GRID2: variants seen among roughly 807,000 people sequenced by gnomAD.
GRID2 encodes glutamate ionotropic receptor delta type subunit 2.
A neutral mutation model predicts 114.8 loss-of-function variants in GRID2; 33 were observed. The ratio of observed to expected loss-of-function variants is 0.29; its 90% CI spans 0.22 to 0.38. GRID2 has a LOEUF of 0.38. Among genes scored for constraint, GRID2 ranks in the 10% least tolerant of loss-of-function variants. GRID2 has a pLI of 1.00. For missense variants in GRID2, 1,184 were observed against 1,257.7 expected (o/e 0.94, Z 0.89); for synonymous variants, 505 against 449.9 (o/e 1.12, Z -1.55).
chr4:92,363,613 C>T (rs1728716569), intron 1 of GRID2, among the ~76,000 whole-genome samples: 1 of 151,850 alleles, frequency 6.6e-6, no homozygotes, highest in African/African-American at 2.4e-5. Flanking sequence ...GGATACCTAT[C>T]TTTGAATATG....
intron 14 of GRID2, among the ~76,000 whole-genome samples, chr4:93,767,015 A>G (rs1435650779): frequency 6.6e-6 from 1 of 152,192 alleles, no homozygotes; most frequent in Non-Finnish European, 1.5e-5. Context: ...CCATGATTAC[A>G]TCTTTGTGTG....
intron 2 of GRID2, among the ~76,000 whole-genome samples, chr4:92,806,975 A>G (rs1250335468): frequency 1.3e-5 from 2 of 152,010 alleles, no homozygotes; most frequent in Non-Finnish European, 2.9e-5. Context: ...TGCATTTTGG[A>G]TAGAATAGGG....
At chr4:93,638,339 G>T (rs1721619334) in intron 14 of GRID2, among the ~76,000 whole-genome samples, 1 of 31,104 alleles carries the variant, frequency 3.2e-5, no homozygotes, top group East Asian at 3.4e-4. Context: ...CTAAGTTTTA[G>T]GGTACATGTG....
At chr4:92,583,933 A>G (rs1435529496) in intron 1 of GRID2, among the ~76,000 whole-genome samples, 1 of 150,348 alleles carries the variant, frequency 6.7e-6, no homozygotes, top group African/African-American at 2.4e-5. Flanking sequence ...GTATATATAT[A>G]TATGTACAAA....
intron 2 of GRID2, among the ~76,000 whole-genome samples, chr4:92,897,638 G>T (rs1207339283): frequency 1.3e-5 from 2 of 152,094 alleles, no homozygotes; most frequent in Non-Finnish European, 2.9e-5. Flanking sequence ...GGAGTAGGGG[G>T]TCTTCCCTAA....
At position 92,752,251 on chromosome 4, in the gene GRID2, C is replaced by A. The variant is rs552443860; in HGVS notation, c.244+161965C>A. On this transcript the variant is annotated intron_variant, in intron 2 of 15. Coordinates refer to ENST00000282020, the MANE Select transcript of GRID2 (RefSeq NM_001510.4). ...CTTATAGCTTTCCAATCCTTTGAAG[C>A]AAGATGTAATTCTTTCACTTTTCCA... Among the ~76,000 whole-genome samples, 4 of 152,218 alleles carry A rather than the reference C, an allele frequency of 2.6e-5. No individual in the cohort carries two copies. The East Asian group carries it at 7.7e-4, about 29-fold the overall frequency.
intron 14 of GRID2, among the ~76,000 whole-genome samples, chr4:93,716,870 A>G (rs1429849710): frequency 1.3e-5 from 2 of 152,106 alleles, no homozygotes; most frequent in Non-Finnish European, 2.9e-5. Flanking sequence ...ATTCAAAGAA[A>G]GGGTCTCTAG....
intron 4 of GRID2, among the ~76,000 whole-genome samples, chr4:93,202,726 T>A (rs555661397): frequency 6.6e-6 from 1 of 150,716 alleles, no homozygotes; most frequent in African/African-American, 2.5e-5. Context: ...AATAGTTGTC[T>A]TCTGTTATCT....
chr4:92,534,108 C>T (rs961335603), intron 1 of GRID2, among the ~76,000 whole-genome samples: 1 of 152,104 alleles, frequency 6.6e-6, no homozygotes, highest in East Asian at 1.9e-4. Context: ...AGTAACTCTT[C>T]ATAAATTCAC....
intron 1 of GRID2, among the ~76,000 whole-genome samples, chr4:92,532,644 G>T (rs1458768231): frequency 6.6e-6 from 1 of 152,114 alleles, no homozygotes; most frequent in African/African-American, 2.4e-5. Flanking sequence ...CAATAACGTT[G>T]TCATACGAAG....
At chr4:93,539,332 A>T (rs1165838827) in intron 13 of GRID2, among the ~76,000 whole-genome samples, 1 of 151,932 alleles carries the variant, frequency 6.6e-6, no homozygotes, top group Non-Finnish European at 1.5e-5. Flanking sequence ...CCTCTTGTTA[A>T]ACTGGATTTA....
At chr4:93,396,294 C>T (rs983434225) in intron 9 of GRID2, among the ~76,000 whole-genome samples, 5 of 151,948 alleles carry the variant, frequency 3.3e-5, no homozygotes, top group Admixed American at 6.6e-5. Flanking sequence ...AACTTATCAT[C>T]TAGTGATTCT....
At chr4:93,424,606 A>G (rs1371322617) in intron 10 of GRID2, among the ~76,000 whole-genome samples, 1 of 152,092 alleles carries the variant, frequency 6.6e-6, no homozygotes, top group Non-Finnish European at 1.5e-5. Context: ...TGGCCATTCT[A>G]CAAGTTTCTC....
intron 1 of GRID2, among the ~76,000 whole-genome samples, chr4:92,375,933 A>T (rs1326254118): frequency 6.6e-6 from 1 of 151,852 alleles, no homozygotes; most frequent in Non-Finnish European, 1.5e-5. Flanking sequence ...TTGCTTACTG[A>T]TATTTTTTTG....
chr4:93,178,439 C>G (rs1739568717), intron 4 of GRID2, among the ~76,000 whole-genome samples: 1 of 109,698 alleles, frequency 9.1e-6, no homozygotes, highest in South Asian at 3.2e-4. Flanking sequence ...CTCTGCTTCT[C>G]AGGCTGGAGT....
chr4:92,691,836 C>A (rs191569159), intron 2 of GRID2, among the ~76,000 whole-genome samples: 1 of 152,076 alleles, frequency 6.6e-6, no homozygotes, highest in Non-Finnish European at 1.5e-5. Flanking sequence ...AGTTTACCAC[C>A]CTCATGTACT....
chr4:93,541,132 G>C (rs974150812), intron 13 of GRID2, among the ~76,000 whole-genome samples: 6 of 152,104 alleles, frequency 3.9e-5, no homozygotes, highest in African/African-American at 1.4e-4. Context: ...GCCTAACTCA[G>C]TGAAATTGAA....
intron 10 of GRID2, among the ~76,000 whole-genome samples, chr4:93,433,385 C>T (rs1202835710): frequency 3.3e-5 from 5 of 152,100 alleles, no homozygotes; most frequent in African/African-American, 4.8e-5. Flanking sequence ...CCTCAGAAAG[C>T]ACATGTAATT....
chr4:92,424,828 C>T (rs966213521), intron 1 of GRID2, among the ~76,000 whole-genome samples: 1 of 151,196 alleles, frequency 6.6e-6, no homozygotes, highest in Non-Finnish European at 1.5e-5. Flanking sequence ...AAAAATACTA[C>T]TTTTTATACT....
Sources: allele counts gnomAD v4.1 joint callset (sites outside exome capture counted in the v4.1 genomes callset), GRCh38; gene constraint gnomAD v4.1.1; transcripts MANE v1.5; gene names NCBI Gene and HGNC (gene_info 2026-07-23, HGNC 2026-07-21).